The following TGFBR3 variants were observed in gnomAD, a reference collection of about 807,000 sequenced individuals.
TGFBR3 encodes transforming growth factor beta receptor 3.
In TGFBR3, 46 loss-of-function variants were observed where a neutral mutation model predicts 87.9. The observed-to-expected ratio is 0.52, with a 90% confidence interval of 0.41 to 0.67. TGFBR3 has a LOEUF of 0.67. TGFBR3 is among the 30% of genes least tolerant of loss of function. The pLI, the probability that TGFBR3 is intolerant of heterozygous loss-of-function variation, is 0.00. For synonymous variants in TGFBR3, 381 were observed against 391.6 expected, an observed-to-expected ratio of 0.97 and a Z score of 0.32; for missense variants, 866 against 1,041.9, an observed-to-expected ratio of 0.83 and a Z score of 2.32.
chr1:91,745,240 T>C (rs1418522004), intron 4 of TGFBR3, among the ~76,000 whole-genome samples: 1 of 152,212 alleles, frequency 6.6e-6, no homozygotes, highest in Non-Finnish European at 1.5e-5. Context: ...ACTCCCAGCT[T>C]TCAGTATTCC....
chr1:91,904,947 G>A (rs541280413), intron 1 of TGFBR3, among the ~76,000 whole-genome samples: 7 of 152,102 alleles, frequency 4.6e-5, no homozygotes, highest in African/African-American at 1.4e-4. Context: ...TGATCCGCCC[G>A]CTTTGGTCTC....
At chr1:91,881,766 A>G (rs1289152307) in intron 1 of TGFBR3, among the ~76,000 whole-genome samples, 1 of 152,154 alleles carries the variant, frequency 6.6e-6, no homozygotes, top group Admixed American at 6.5e-5. Flanking sequence ...GGGGCCGGGC[A>G]CAGTCGCTCA....
At chr1:91,886,262 GC>G (rs1258065887), upstream of TGFBR3, 1 of 434,490 alleles carries the variant, frequency 2.3e-6, no homozygotes, top group Non-Finnish European at 4.6e-6. Flanking sequence ...TCCTCCGCCG[GC>G]CCCACCGGGG....
At chr1:91,769,659 T>C (rs777835983) in intron 3 of TGFBR3, among the ~76,000 whole-genome samples, 14 of 152,014 alleles carry the variant, frequency 9.2e-5, no homozygotes, top group South Asian at 2.1e-4. Flanking sequence ...TTTTTTTTAA[T>C]ACAACACATC....
rs776459001 is a variant in TGFBR3 at position 91,734,949 on chromosome 1, C to A, written c.395G>T (p.Gly132Val). The A allele has an allele frequency of 1.9e-6, 3 of 1,614,034 alleles. No homozygotes were observed. The highest frequency in any genetic ancestry group is 2.5e-6 in the Non-Finnish European group (3 of 1,180,006). Residue 132 changes from glycine (G) to valine (V), a missense_variant, in exon 5 of 17, where the codon GGT (glycine) becomes GTT (valine). Transcript: ENST00000212355. ...TGCTGATGAAAACTGGACCACAGAACCCTCAGACACCTAGAGGAAAGAGAA... is the reference window on the plus strand; with the variant it reads ...TGCTGATGAAAACTGGACCACAGAAACCTCAGACACCTAGAGGAAAGAGAA... ...GVSRLFLVSE[G>V]SVVQFSSANF... is the part of the protein sequence containing the mutation.
intron 1 of TGFBR3, among the ~76,000 whole-genome samples, chr1:91,901,648 C>A (rs1679722128): frequency 6.6e-6 from 1 of 151,896 alleles, no homozygotes; most frequent in South Asian, 2.1e-4. Context: ...GTGGGCCAGG[C>A]TCATGCCTGT....
At chr1:91,882,383 TG>T (rs1287796064) in intron 1 of TGFBR3, among the ~76,000 whole-genome samples, 1 of 151,550 alleles carries the variant, frequency 6.6e-6, no homozygotes, top group Non-Finnish European at 1.5e-5. Flanking sequence ...GTGATCCACC[TG>T]CCTCGGCCTC....
At chr1:91,887,472 C>T (rs917212322), upstream of TGFBR3, among the ~76,000 whole-genome samples, 2 of 151,818 alleles carry the variant, frequency 1.3e-5, no homozygotes, top group Non-Finnish European at 2.9e-5. Flanking sequence ...CACTTAGTTG[C>T]CCAGGCTGGT....
At chr1:91,800,279 C>T (rs1256390789) in intron 2 of TGFBR3, among the ~76,000 whole-genome samples, 1 of 141,658 alleles carries the variant, frequency 7.1e-6, no homozygotes, top group Non-Finnish European at 1.5e-5. Flanking sequence ...CACACACACA[C>T]TCACGCATAT....
intron 1 of TGFBR3, among the ~76,000 whole-genome samples, chr1:91,905,045 G>A (rs943374318): frequency 1.3e-5 from 2 of 152,070 alleles, no homozygotes; most frequent in African/African-American, 4.8e-5. Context: ...TACCTTTTAG[G>A]ATTTCTGGGC....
intron 12 of TGFBR3, among the ~76,000 whole-genome samples, chr1:91,714,892 G>T (rs908906704): frequency 9.2e-5 from 14 of 152,232 alleles, no homozygotes; most frequent in African/African-American, 2.2e-4. Flanking sequence ...CTCTCAGAAT[G>T]GGGGAGGGGC....
rs140679329 is a variant in TGFBR3, at chr1:91,683,913, A to C, written c.2438-56T>G. On this transcript the variant is annotated intron_variant, in intron 16 of 16. Coordinates refer to ENST00000212355, the MANE Select transcript of TGFBR3 (RefSeq NM_003243.5). Reference sequence around the variant, plus strand: ...AGAAAGACGCATATTATGTATGTGCATTCCTGAAAAGATCATTTATTCCGC... The same window carrying C: ...AGAAAGACGCATATTATGTATGTGCCTTCCTGAAAAGATCATTTATTCCGC... 3.5e-5 allele frequency: 51 copies of C among 1,449,800 alleles called. No homozygotes were observed. In the African/African-American group the frequency reaches 6.9e-4, roughly 20 times the overall value. 89.8% of individuals were successfully genotyped at this position (1,449,800 alleles called of 1,614,324 possible). A position where few individuals can be genotyped will look rare whatever the true frequency, so the allele number is the denominator to read the frequency against.
chr1:91,787,129 C>T (rs776560535), intron 3 of TGFBR3, among the ~76,000 whole-genome samples: 25 of 151,954 alleles, frequency 1.6e-4, no homozygotes, highest in Non-Finnish European at 3.2e-4. Context: ...GGTGAAACTC[C>T]GTCTCTACTA....
At chr1:91,798,098 C>T (rs1235766326) in intron 2 of TGFBR3, among the ~76,000 whole-genome samples, 1 of 152,100 alleles carries the variant, frequency 6.6e-6, no homozygotes, top group Non-Finnish European at 1.5e-5. Context: ...TTCTTCATTC[C>T]CTCTTCCTCT....
At chr1:91,877,168 A>G (rs1189882582) in intron 1 of TGFBR3, among the ~76,000 whole-genome samples, 2 of 152,180 alleles carry the variant, frequency 1.3e-5, no homozygotes, top group Non-Finnish European at 2.9e-5. Context: ...TTCTCCCAAC[A>G]AATTAGACAC....
chr1:91,681,121 C>T lies in TGFBR3; in HGVS notation c.*2618G>A, dbSNP rs1245825681. ...CAGATACAAGAGTTCAGCTGAAATA[C>T]AACAATACTTTTAAAGAAACTTGTA... On this transcript the variant is annotated 3_prime_UTR_variant, in exon 17 of 17. Transcript: ENST00000212355. 1.3e-5 allele frequency: 6 copies of T among 453,944 alleles called. No individual in the cohort carries two copies. In the Admixed American group the frequency reaches 1.4e-4, roughly 11 times the overall value. 28.1% of individuals were successfully genotyped at this position (453,944 alleles called of 1,614,324 possible). A position where few individuals can be genotyped will look rare whatever the true frequency, so the allele number is the denominator to read the frequency against.
chr1:91,732,979 T>C (rs1158623957), intron 5 of TGFBR3, among the ~76,000 whole-genome samples: 1 of 152,264 alleles, frequency 6.6e-6, no homozygotes, highest in Admixed American at 6.5e-5. Context: ...CATTCTTTCA[T>C]GCTACTAGAA....
At chr1:91,710,600 G>T (rs1359291926) in intron 13 of TGFBR3, among the ~76,000 whole-genome samples, 1 of 152,122 alleles carries the variant, frequency 6.6e-6, no homozygotes, top group Admixed American at 6.5e-5. Flanking sequence ...GAAAATAATA[G>T]AAATGTGAAA....
At chr1:91,888,864 G>T (rs1379285764), upstream of TGFBR3, among the ~76,000 whole-genome samples, 1 of 152,078 alleles carries the variant, frequency 6.6e-6, no homozygotes, top group African/African-American at 2.4e-5. Flanking sequence ...GCCAGCGTGG[G>T]TACTGAATTC....
Sources: allele counts gnomAD v4.1 joint callset (sites outside exome capture counted in the v4.1 genomes callset), GRCh38; gene constraint gnomAD v4.1.1; transcripts MANE v1.5; gene names NCBI Gene and HGNC (gene_info 2026-07-23, HGNC 2026-07-21).